Variants in PDE1C observed in about 807,000 individuals in gnomAD.
The protein encoded by PDE1C is phosphodiesterase 1C, also known as dual specificity calcium/calmodulin-dependent 3',5'-cyclic nucleotide phosphodiesterase 1C.
In PDE1C, 62 loss-of-function variants were observed where a neutral mutation model predicts 93.1. That is an observed-to-expected ratio of 0.67 (90% CI 0.54 to 0.82). The LOEUF (loss-of-function observed/expected upper bound fraction) is 0.82, where lower values mean the gene tolerates loss of function less well. Among genes scored for constraint, PDE1C ranks in the 40% least tolerant of loss-of-function variants. The probability of loss-of-function intolerance (pLI) is 0.00; values close to 1 mark genes in which losing one functional copy is unlikely to be tolerated. For missense variants in PDE1C, 742 were observed against 884.6 expected (o/e 0.84, Z 2.04); for synonymous variants, 325 against 310.1 (o/e 1.05, Z -0.50).
chr7:31,719,279 C>T, the PDE1C span, among the ~76,000 whole-genome samples: 2 of 152,210 alleles, frequency 1.3e-5, no homozygotes, highest in Admixed American at 1.3e-4. Context: ...GTGAGGACTC[C>T]TTAAGTCCTG....
At chr7:31,747,857 C>A (rs369269416), downstream of PDE1C, among the ~76,000 whole-genome samples, 120 of 134,094 alleles carry the variant, frequency 8.9e-4, no homozygotes, top group South Asian at 2.2e-3. Flanking sequence ...CAAAACATCT[C>A]AAAAAAAAAA....
chr7:32,024,533 A>G (rs549671486), intron 2 of PDE1C, among the ~76,000 whole-genome samples: 1 of 152,060 alleles, frequency 6.6e-6, no homozygotes, highest in Non-Finnish European at 1.5e-5. Context: ...TATATTCTTA[A>G]TTCCTCACTC....
intron 3 of PDE1C, among the ~76,000 whole-genome samples, chr7:32,114,612 A>G (rs1303407622): frequency 6.6e-6 from 1 of 152,236 alleles, no homozygotes; most frequent in Non-Finnish European, 1.5e-5. Context: ...GCTAAAATTG[A>G]CAGATGGGAT....
chr7:32,106,824 T>C (rs6967741), intron 3 of PDE1C, among the ~76,000 whole-genome samples: 103,974 of 151,858 alleles, frequency 0.68, 36,287 homozygotes, highest in Middle Eastern at 0.81. Flanking sequence ...TAATCTGAAG[T>C]AATAAAGTAT....
At chr7:31,732,611 T>C in the PDE1C span, among the ~76,000 whole-genome samples, 3 of 143,902 alleles carry the variant, frequency 2.1e-5, no homozygotes, top group Admixed American at 6.9e-5. Context: ...CTTTAAATCT[T>C]TCTCTCTCTC....
chr7:31,853,514 G>C lies in PDE1C; in HGVS notation c.751-2773C>G, dbSNP rs375200819. Among the ~76,000 whole-genome samples the C allele has an allele frequency of 5.3e-5, 8 of 152,194 alleles. No individual in the cohort carries two copies. In the South Asian group the frequency reaches 1.5e-3, roughly 28 times the overall value. On this transcript the variant is annotated intron_variant, in intron 7 of 17. Coordinates refer to ENST00000396191, the MANE Select transcript of PDE1C (RefSeq NM_001191057.4). The stretch of plus-strand genomic sequence containing the variant: ...GAAAATGATGCCCTTGACTGGAGCG[G>C]GAGAGAAGGCTGATTGAGGCCCTAT...
chr7:32,242,083 G>A (rs1266010381), intron 1 of PDE1C, among the ~76,000 whole-genome samples: 1 of 152,138 alleles, frequency 6.6e-6, no homozygotes, highest in Non-Finnish European at 1.5e-5. Context: ...ATAGCACAAG[G>A]ATCCATTATA....
At chr7:32,034,145 G>C (rs1284367946) in intron 2 of PDE1C, among the ~76,000 whole-genome samples, 1 of 151,826 alleles carries the variant, frequency 6.6e-6, no homozygotes, top group East Asian at 1.9e-4. Context: ...CCAGCATACA[G>C]CACCTGGATA....
intron 2 of PDE1C, among the ~76,000 whole-genome samples, chr7:31,995,377 G>T (rs999880355): frequency 1.3e-5 from 2 of 152,068 alleles, no homozygotes; most frequent in African/African-American, 4.8e-5. Flanking sequence ...AAACTTGCAC[G>T]CCTACCTGCA....
chr7:32,367,173 G>A lies in PDE1C; in HGVS notation c.310+60649C>T, dbSNP rs535512276. ...ACCATTAATAGACCAGCCTTACAGG[G>A]AATGCTCAAGGGAGTCCTACAACTG... On this transcript the variant is annotated intron_variant, in intron 1 of 1. Transcript: ENST00000672256. Among the ~76,000 whole-genome samples the A allele has an allele frequency of 8.5e-5, 13 of 152,264 alleles. 1 individual carries two copies. Among genetic ancestry groups the A allele is most frequent in the African/African-American group, 3.1e-4 (13 of 41,542 alleles).
At chr7:31,865,155 C>G in intron 6 of PDE1C, 73 bp from the exon 7 acceptor site, 1 of 1,513,020 alleles carries the variant, frequency 6.6e-7, no homozygotes, top group Non-Finnish European at 9.1e-7. Flanking sequence ...GTCTAAGGCA[C>G]CAGGACTGCT....
chr7:31,638,263 G>A, the PDE1C span, among the ~76,000 whole-genome samples: 1 of 152,154 alleles, frequency 6.6e-6, no homozygotes, highest in Non-Finnish European at 1.5e-5. Context: ...TATAACAAAG[G>A]CAGTGAAGTC....
the PDE1C span, among the ~76,000 whole-genome samples, chr7:31,625,443 TA>T: frequency 1.3e-5 from 2 of 152,174 alleles, no homozygotes; most frequent in East Asian, 3.9e-4. Flanking sequence ...TATGCAGCCA[TA>T]AAAAATGATG....
chr7:32,207,285 C>T (rs932545785), intron 2 of PDE1C, among the ~76,000 whole-genome samples: 6 of 151,648 alleles, frequency 4.0e-5, no homozygotes, highest in Admixed American at 6.6e-5. Flanking sequence ...TACTGGGCAA[C>T]GCACACTGTC....
intron 2 of PDE1C, among the ~76,000 whole-genome samples, chr7:31,996,825 T>C (rs1784785561): frequency 6.6e-6 from 1 of 152,080 alleles, no homozygotes; most frequent in South Asian, 2.1e-4. Context: ...AAGAAGTAGT[T>C]TAAAAAAGAG....
chr7:31,773,179 A>C (rs1795613221), intron 17 of PDE1C, among the ~76,000 whole-genome samples: 1 of 152,188 alleles, frequency 6.6e-6, no homozygotes, highest in Non-Finnish European at 1.5e-5. Context: ...AGAACTACCC[A>C]CTTCCACCTC....
intron 16 of PDE1C, chr7:31,787,611 C>T (rs1002417667): frequency 1.3e-5 from 2 of 152,150 alleles, no homozygotes; most frequent in African/African-American, 2.4e-5. Context: ...GTAGGACTAT[C>T]CCTATTGCTG....
chr7:32,091,821 C>G (rs940149656), intron 3 of PDE1C, among the ~76,000 whole-genome samples: 7 of 152,150 alleles, frequency 4.6e-5, no homozygotes, highest in East Asian at 1.9e-4. Flanking sequence ...TTATAAAAAC[C>G]ACTGTGGCTG....
chr7:32,204,726 C>T (rs1473468631), intron 2 of PDE1C, among the ~76,000 whole-genome samples: 1 of 152,320 alleles, frequency 6.6e-6, no homozygotes, highest in East Asian at 1.9e-4. Flanking sequence ...CTATTATCCC[C>T]ATTCAGACCC....
Sources: allele counts gnomAD v4.1 joint callset (sites outside exome capture counted in the v4.1 genomes callset), GRCh38; gene constraint gnomAD v4.1.1; transcripts MANE v1.5; gene names NCBI Gene and HGNC (gene_info 2026-07-23, HGNC 2026-07-21).